Variants in MSI2 observed in about 807,000 individuals in gnomAD.
MSI2 encodes RNA-binding protein Musashi homolog 2.
Under a neutral mutation model 45.6 loss-of-function variants are expected in MSI2, and 17 were observed. The ratio of observed to expected loss-of-function variants is 0.37; its 90% CI spans 0.26 to 0.56. The LOEUF is 0.56. Among genes scored for constraint, MSI2 ranks in the 20% least tolerant of loss-of-function variants. The probability of loss-of-function intolerance (pLI) is 0.77; values close to 1 mark genes in which losing one functional copy is unlikely to be tolerated. For missense variants in MSI2, 293 were observed against 444.2 expected, an observed-to-expected ratio of 0.66 and a Z score of 3.06; for synonymous variants, 156 against 158.2, an observed-to-expected ratio of 0.99 and a Z score of 0.11.
intron 7 of MSI2, among the ~76,000 whole-genome samples, chr17:57,575,147 T>TCCCCCCCCCCCCCCCCCCCCCCC (rs371180511): frequency 8.4e-6 from 1 of 119,542 alleles, no homozygotes; most frequent in Non-Finnish European, 1.7e-5. Flanking sequence ...CTTTTTTAAC[T>TCCCCCCCCCCCCCCCCCCCCCCC]CCCTCCCCCC....
intron 7 of MSI2, among the ~76,000 whole-genome samples, chr17:57,563,205 C>T (rs760237624): frequency 9.3e-5 from 14 of 151,310 alleles, no homozygotes; most frequent in East Asian, 1.9e-4. Context: ...TTTTTATATC[C>T]GTCACCCGAA....
chr17:57,436,437 T>C (rs1287967613), intron 6 of MSI2, among the ~76,000 whole-genome samples: 1 of 152,210 alleles, frequency 6.6e-6, no homozygotes, highest in East Asian at 1.9e-4. Context: ...GAAAACCTTT[T>C]GTACTTGTGT....
intron 9 of MSI2, among the ~76,000 whole-genome samples, chr17:57,620,903 G>C (rs931829748): frequency 6.6e-6 from 1 of 152,152 alleles, no homozygotes; most frequent in East Asian, 1.9e-4. Context: ...GGAGATACAG[G>C]CCTCCCCAGC....
intron 6 of MSI2, chr17:57,432,447 G>C (rs1175783553): frequency 6.6e-6 from 1 of 152,406 alleles, no homozygotes; most frequent in Non-Finnish European, 1.5e-5. Context: ...GGTGGACGCA[G>C]TCACATGTGG....
At chr17:57,647,763 G>T (rs561255516) in intron 10 of MSI2, among the ~76,000 whole-genome samples, 1 of 151,112 alleles carries the variant, frequency 6.6e-6, no homozygotes, top group Non-Finnish European at 1.5e-5. Flanking sequence ...TCGTGCCTCC[G>T]CCTCCCAAGT....
chr17:57,687,380 CAG>C (rs1264870406), downstream of MSI2, among the ~76,000 whole-genome samples: 1 of 151,754 alleles, frequency 6.6e-6, no homozygotes, highest in Non-Finnish European at 1.5e-5. Context: ...TTTTTATAAA[CAG>C]TAATAAAATG....
chr17:57,482,825 G>A (rs1411521790), intron 6 of MSI2, among the ~76,000 whole-genome samples: 1 of 152,188 alleles, frequency 6.6e-6, no homozygotes, highest in Non-Finnish European at 1.5e-5. Flanking sequence ...CTGGACTGTG[G>A]GGACATTTTG....
intron 11 of MSI2, among the ~76,000 whole-genome samples, chr17:57,668,508 T>C (rs977287179): frequency 6.6e-6 from 1 of 152,056 alleles, no homozygotes; most frequent in Non-Finnish European, 1.5e-5. Context: ...TCAGGTTAAG[T>C]TTTGAGAACA....
intron 6 of MSI2, among the ~76,000 whole-genome samples, chr17:57,445,926 G>A (rs942346844): frequency 5.9e-5 from 9 of 152,154 alleles, no homozygotes; most frequent in Non-Finnish European, 8.8e-5. Context: ...GTTGATTCAC[G>A]AGACAAATGT....
intron 6 of MSI2, among the ~76,000 whole-genome samples, chr17:57,415,827 T>C (rs2084285083): frequency 1.3e-5 from 2 of 152,106 alleles, no homozygotes; most frequent in Admixed American, 1.3e-4. Flanking sequence ...CCTCCACAGC[T>C]ATCCCTCTGA....
chr17:57,284,090 AT>A (rs1186833308), intron 5 of MSI2, among the ~76,000 whole-genome samples: 1 of 152,060 alleles, frequency 6.6e-6, no homozygotes, highest in Non-Finnish European at 1.5e-5. Flanking sequence ...CCCCAGATTT[AT>A]TTTCCTTTTT....
intron 7 of MSI2, among the ~76,000 whole-genome samples, chr17:57,595,432 GA>G (rs749754276): frequency 3.3e-5 from 5 of 152,030 alleles, no homozygotes; most frequent in African/African-American, 1.2e-4. Flanking sequence ...CGGCTATAAT[GA>G]AGTACCATGG....
Position 57,627,088 on chromosome 17 carries a change from TA to T in MSI2, c.653-134del, listed in dbSNP as rs977415435. 6 of 778,316 alleles carry T rather than the reference TA, an allele frequency of 7.7e-6. No homozygotes were observed. The highest frequency in any genetic ancestry group is 2.2e-5 in the Admixed American group (1 of 44,656). 48.2% of individuals were successfully genotyped at this position (778,316 alleles called of 1,614,324 possible). Reference sequence around the variant, plus strand: ...GGAGAGAGGTGACCCAGACCCTTAATAAAAAAACCCTCATGAGAGACAAATT... The same window carrying T: ...GGAGAGAGGTGACCCAGACCCTTAATAAAAAACCCTCATGAGAGACAAATT... On this transcript the variant is annotated intron_variant, in intron 9 of 13. Coordinates refer to ENST00000284073, the MANE Select transcript of MSI2 (RefSeq NM_138962.4). This position sits in a 1 kb window ranked among gnomAD's most constrained non-coding sequence, Gnocchi z 4.6.
intron 10 of MSI2, among the ~76,000 whole-genome samples, chr17:57,638,301 C>T (rs537348527): frequency 6.6e-6 from 1 of 152,198 alleles, no homozygotes; most frequent in Non-Finnish European, 1.5e-5. Context: ...ACTGCCTCTG[C>T]TCTCTGTCAC....
At chr17:57,259,938 T>G (rs572735359) in intron 4 of MSI2, 1 of 152,336 alleles carries the variant, frequency 6.6e-6, no homozygotes, top group African/African-American at 2.4e-5. Flanking sequence ...TCACTATTAT[T>G]TAGTGTAACC....
At chr17:57,660,920 G>A (rs1598502368) in intron 11 of MSI2, among the ~76,000 whole-genome samples, 1 of 152,344 alleles carries the variant, frequency 6.6e-6, no homozygotes, top group East Asian at 1.9e-4. Context: ...GGCAGGGCCT[G>A]TGAGATCATG....
chr17:57,507,243 G>C (rs879907834), intron 6 of MSI2, among the ~76,000 whole-genome samples: 15,743 of 137,146 alleles, frequency 0.11, 1,662 homozygotes, highest in African/African-American at 0.18. Flanking sequence ...GTGTGTGTGT[G>C]TGTGTGTGTG....
intron 6 of MSI2, among the ~76,000 whole-genome samples, chr17:57,454,376 G>T (rs2085072917): frequency 6.6e-6 from 1 of 151,896 alleles, no homozygotes; most frequent in Non-Finnish European, 1.5e-5. Flanking sequence ...TGTAGCTGCT[G>T]AAGGTATGTC....
intron 5 of MSI2, among the ~76,000 whole-genome samples, chr17:57,276,172 CT>C (rs1255704385): frequency 6.6e-6 from 1 of 152,202 alleles, no homozygotes; most frequent in African/African-American, 2.4e-5. Flanking sequence ...GTCATCATTG[CT>C]ATTCTTGCCA....
Sources: gnomAD v4.1 joint callset for allele counts (sites outside exome capture counted in the v4.1 genomes callset) on GRCh38, gnomAD v4.1.1 for gene constraint, Gnocchi (gnomAD v3.1) non-coding constraint, MANE v1.5 for transcripts, NCBI Gene and HGNC (gene_info 2026-07-23, HGNC 2026-07-21) for gene names.